The following FSTL5 variants were observed in gnomAD, a reference collection of about 807,000 sequenced individuals.
The protein encoded by FSTL5 is follistatin-related protein 5.
A neutral mutation model predicts 89.1 loss-of-function variants in FSTL5; 62 were observed. The observed-to-expected ratio is 0.70, with a 90% CI of 0.57 to 0.86. The LOEUF (loss-of-function observed/expected upper bound fraction) is 0.86. Among genes scored for constraint, FSTL5 ranks in the 40% least tolerant of loss-of-function variants. The pLI, the probability that FSTL5 is intolerant of heterozygous loss-of-function variation, is 0.00. For synonymous variants in FSTL5, 383 were observed against 346.2 expected (o/e 1.11, Z -1.18); for missense variants, 1,057 against 1,001.6 (o/e 1.06, Z -0.75).
intron 2 of FSTL5, among the ~76,000 whole-genome samples, chr4:162,069,402 A>C (rs556460000): frequency 5.3e-5 from 8 of 151,942 alleles, no homozygotes; most frequent in Non-Finnish European, 1.0e-4. Flanking sequence ...TAGCACTAAA[A>C]TCTTCTCTTT....
intron 15 of FSTL5, among the ~76,000 whole-genome samples, chr4:161,451,510 A>T (rs1017014593): frequency 7.9e-5 from 12 of 152,192 alleles, no homozygotes; most frequent in Admixed American, 7.2e-4. Flanking sequence ...CCCAGTAGAG[A>T]TTACGAAGTC....
intron 4 of FSTL5, among the ~76,000 whole-genome samples, chr4:161,852,584 C>A (rs1731589232): frequency 6.6e-6 from 1 of 152,088 alleles, no homozygotes. Flanking sequence ...ACAGAAATAT[C>A]ATTTGACATA....
chr4:161,813,789 T>C lies in FSTL5; in HGVS notation c.410-37715A>G, dbSNP rs1237064773. On this transcript the variant is annotated intron_variant, in intron 4 of 15. Transcript: ENST00000306100. ...ATTATTCTATATGATGAACTGGGAA[T>C]TAAAGAACATGTTCTTGGCAAAATT... 2.6e-5 allele frequency among the ~76,000 whole-genome samples: 4 copies of C among 152,156 alleles called. No homozygotes were observed. The East Asian group carries it at 7.7e-4, about 29-fold the overall frequency.
At chr4:162,102,317 T>C (rs965996256) in intron 2 of FSTL5, among the ~76,000 whole-genome samples, 1 of 151,894 alleles carries the variant, frequency 6.6e-6, no homozygotes, top group African/African-American at 2.4e-5. Context: ...ATGTAGTTTT[T>C]CAACTATTGA....
chr4:162,155,145 C>G (rs1054794250), intron 1 of FSTL5, among the ~76,000 whole-genome samples: 4 of 152,144 alleles, frequency 2.6e-5, no homozygotes, highest in African/African-American at 9.7e-5. Context: ...TGTGCTATTG[C>G]TCTTGTAGTC....
At chr4:161,435,779 A>C (rs1343100490) in intron 15 of FSTL5, among the ~76,000 whole-genome samples, 3 of 151,880 alleles carry the variant, frequency 2.0e-5, no homozygotes, top group African/African-American at 7.2e-5. Flanking sequence ...TTGAGTCTTC[A>C]TAATAAGCAA....
chr4:161,444,942 T>C (rs1278744337), intron 15 of FSTL5, among the ~76,000 whole-genome samples: 1 of 151,946 alleles, frequency 6.6e-6, no homozygotes, highest in African/African-American at 2.4e-5. Flanking sequence ...TAGTTTTAAA[T>C]GAGACAGAGC....
chr4:162,058,070 ATG>A (rs958675732), intron 2 of FSTL5, among the ~76,000 whole-genome samples: 6 of 151,436 alleles, frequency 4.0e-5, no homozygotes, highest in Non-Finnish European at 8.8e-5. Context: ...AATTAATTAC[ATG>A]TGTGTGTGCA....
intron 15 of FSTL5, among the ~76,000 whole-genome samples, chr4:161,424,123 C>T (rs771275878): frequency 2.0e-5 from 3 of 149,254 alleles, no homozygotes; most frequent in African/African-American, 7.4e-5. Flanking sequence ...ATGATCCGCC[C>T]GCCTCGGCCT....
chr4:162,056,383 A>C (rs1476346206), intron 2 of FSTL5, among the ~76,000 whole-genome samples: 1 of 151,704 alleles, frequency 6.6e-6, no homozygotes, highest in African/African-American at 2.4e-5. Context: ...ACTATATTTT[A>C]GCATGCAGGT....
chr4:161,828,309 C>T (rs1376895611), intron 4 of FSTL5, among the ~76,000 whole-genome samples: 1 of 151,558 alleles, frequency 6.6e-6, no homozygotes, highest in East Asian at 1.9e-4. Context: ...AGTTTTGGGG[C>T]TGTCTCCTGG....
At chr4:161,595,840 C>T (rs1388278743) in intron 7 of FSTL5, among the ~76,000 whole-genome samples, 1 of 151,802 alleles carries the variant, frequency 6.6e-6, no homozygotes, top group Non-Finnish European at 1.5e-5. Context: ...AATGTTAGCC[C>T]ACTTTCTTTT....
At chr4:161,616,766 C>A (rs561967753) in intron 7 of FSTL5, among the ~76,000 whole-genome samples, 7 of 151,632 alleles carry the variant, frequency 4.6e-5, no homozygotes, top group African/African-American at 1.7e-4. Flanking sequence ...CTTAATACAT[C>A]GGTGACGAGT....
chr4:161,455,597 G>A (rs910528713), intron 14 of FSTL5, among the ~76,000 whole-genome samples: 1 of 151,936 alleles, frequency 6.6e-6, no homozygotes, highest in African/African-American at 2.4e-5. Context: ...ATTTTAAAAC[G>A]TTTTCCTCCT....
chr4:161,439,886 AGT>A (rs1732700467), intron 15 of FSTL5, among the ~76,000 whole-genome samples: 1 of 152,164 alleles, frequency 6.6e-6, no homozygotes, highest in Non-Finnish European at 1.5e-5. Context: ...TATTTCAGGT[AGT>A]TCCCCAAGTG....
Position 161,989,791 on chromosome 4 carries a change from C to T in FSTL5, c.160+43834G>A, listed in dbSNP as rs79338891. Among the ~76,000 whole-genome samples, 323 of 152,158 alleles carry T rather than the reference C, an allele frequency of 2.1e-3. 7 individuals are homozygous for T. The East Asian group carries it at 0.054, about 25-fold the overall frequency. On this transcript the variant is annotated intron_variant, in intron 3 of 15. Transcript: ENST00000306100. ...TTTTCAGTGATGGATCTTTAGTAAC[C>T]TTATTGTAGTGGGGATTACAGGATA...
At chr4:162,113,698 C>T (rs1227086492) in intron 1 of FSTL5, among the ~76,000 whole-genome samples, 2 of 152,150 alleles carry the variant, frequency 1.3e-5, no homozygotes, top group African/African-American at 2.4e-5. Flanking sequence ...TGCTATAAGG[C>T]TTTTGTAAGG....
At chr4:162,015,595 T>C (rs1458747664) in intron 3 of FSTL5, among the ~76,000 whole-genome samples, 1 of 152,180 alleles carries the variant, frequency 6.6e-6, no homozygotes, top group Non-Finnish European at 1.5e-5. Context: ...TTCAGATTAA[T>C]TCTTCTCCCT....
rs1341130390 is a variant in FSTL5, at chr4:162,078,916, C to T, written c.126+32355G>A. Among the ~76,000 whole-genome samples the T allele has an allele frequency of 2.6e-5, 4 of 151,672 alleles. No individual in the cohort carries two copies. The East Asian group carries it at 7.8e-4, about 30-fold the overall frequency. ...AATATAAGCAAAATCACTAAACTCT[C>T]AGGACAAATTTCAGGAGAGAAACTT... On this transcript the variant is annotated intron_variant, in intron 2 of 15. Coordinates refer to ENST00000306100, the MANE Select transcript of FSTL5 (RefSeq NM_020116.5).
Sources: gnomAD v4.1 joint callset for allele counts (sites outside exome capture counted in the v4.1 genomes callset) on GRCh38, gnomAD v4.1.1 for gene constraint, MANE v1.5 for transcripts, NCBI Gene and HGNC (gene_info 2026-07-23, HGNC 2026-07-21) for gene names.